The following AKT3 variants were observed in gnomAD, a reference collection of about 807,000 sequenced individuals.
The protein encoded by AKT3 is AKT serine/threonine kinase 3, also known as RAC-gamma serine/threonine-protein kinase.
A neutral mutation model predicts 65.3 loss-of-function variants in AKT3; 15 were observed. The ratio of observed to expected loss-of-function variants is 0.23; its 90% CI spans 0.15 to 0.35. The LOEUF (loss-of-function observed/expected upper bound fraction) is 0.35, where lower values mean the gene tolerates loss of function less well. AKT3 is among the 10% of genes least tolerant of loss of function. The pLI, the probability that AKT3 is intolerant of heterozygous loss-of-function variation, is 1.00. For missense variants in AKT3, 243 were observed against 576.5 expected (o/e 0.42, Z 5.92); for synonymous variants, 206 against 183.8 (o/e 1.12, Z -0.98).
At chr1:243,739,433 A>G (rs1688023600) in intron 2 of AKT3, 2 of 152,336 alleles carry the variant, frequency 1.3e-5, no homozygotes, top group African/African-American at 4.8e-5. Flanking sequence ...TACTAAAGTT[A>G]AAGGAAAACA....
intron 1 of AKT3, 24 bp downstream of exon 1, chr1:243,850,016 A>G: frequency 2.0e-6 from 2 of 977,756 alleles, no homozygotes; most frequent in Non-Finnish European, 2.4e-6. Flanking sequence ...GGAGGGGGCT[A>G]GAGTTGGGGG....
chr1:243,572,952 C>T lies in AKT3; in HGVS notation c.793G>A (p.Gly265Arg), dbSNP rs772090769. Residue 265 changes from glycine (G) to arginine (R), a missense_variant, in exon 9 of 14, where the codon GGA becomes AGA. This residue lies in a region of AKT3 where 61 missense variants were observed against 163.3 expected (regional missense o/e 0.37). Transcript: ENST00000673466. ...TTGAGATCACGGTACACAATCTTTC[C>T]GGAATGTAGATAGTCCAAGGCAGAG... ...IVSALDYLHS[G>R]KIVYRDLKLE... 8 of 1,610,866 alleles carry T rather than the reference C, an allele frequency of 5.0e-6. No individual in the cohort carries two copies. Among genetic ancestry groups the T allele is most frequent in the African/African-American group, 1.3e-5 (1 of 74,434 alleles).
intron 13 of AKT3, among the ~76,000 whole-genome samples, chr1:243,510,194 T>G (rs1669929874): frequency 6.6e-6 from 1 of 152,204 alleles, no homozygotes; most frequent in Non-Finnish European, 1.5e-5. Flanking sequence ...GCTTTGGATA[T>G]TCAGAGGGGA....
At chr1:243,760,744 T>C (rs983435250) in intron 2 of AKT3, among the ~76,000 whole-genome samples, 1 of 152,154 alleles carries the variant, frequency 6.6e-6, no homozygotes, top group Non-Finnish European at 1.5e-5. Context: ...CTGTTGGTGA[T>C]TTCAGTTTAA....
chr1:243,508,419 C>T (rs150005551), intron 13 of AKT3, among the ~76,000 whole-genome samples: 3 of 152,196 alleles, frequency 2.0e-5, no homozygotes, highest in South Asian at 2.1e-4. Context: ...CCTGCAGATG[C>T]GTCGATGCTA....
At chr1:243,676,487 T>TC (rs1683521444) in intron 3 of AKT3, among the ~76,000 whole-genome samples, 1 of 152,164 alleles carries the variant, frequency 6.6e-6, no homozygotes, top group African/African-American at 2.4e-5. Flanking sequence ...CAAACCTGCT[T>TC]CTTCAGTCAC....
At chr1:243,658,830 C>T (rs1438812692) in intron 4 of AKT3, among the ~76,000 whole-genome samples, 1 of 116,926 alleles carries the variant, frequency 8.6e-6, no homozygotes, top group Non-Finnish European at 1.7e-5. Context: ...GAGTTCCAGA[C>T]AAGCCCTGGC....
chr1:243,804,095 G>A (rs1467387684), intron 2 of AKT3, among the ~76,000 whole-genome samples: 1 of 152,198 alleles, frequency 6.6e-6, no homozygotes, highest in Non-Finnish European at 1.5e-5. Context: ...CCTGAGATCA[G>A]TCCATCTTGG....
At position 243,843,179 on chromosome 1, in the gene AKT3, C is replaced by T. The variant is rs1465800880; in HGVS notation, c.-9G>A. The T allele has an allele frequency of 6.2e-7, 1 of 1,611,886 alleles. No homozygotes were observed. Among genetic ancestry groups the T allele is most frequent in the Admixed American group, 1.7e-5 (1 of 59,782 alleles). On this transcript the variant is annotated 5_prime_UTR_variant, in exon 2 of 14. Transcript: ENST00000673466. The stretch of plus-strand genomic sequence containing the variant: ...ATGGTAACATCGCTCATGATGACTC[C>T]CCTCTGAGCCCCCAACTTGGAGAAA...
intron 11 of AKT3, 119 bp downstream of exon 11, chr1:243,552,609 TG>T: frequency 1.1e-6 from 1 of 884,434 alleles, no homozygotes; most frequent in Non-Finnish European, 1.8e-6. Flanking sequence ...AGGATCTCAG[TG>T]GGAAGATGTC....
chr1:243,822,751 T>C (rs1016939343), intron 2 of AKT3, among the ~76,000 whole-genome samples: 60 of 152,220 alleles, frequency 3.9e-4, no homozygotes, highest in East Asian at 1.7e-3. Flanking sequence ...AATCCAGGAA[T>C]AGACCAATAC....
chr1:243,826,027 GA>G (rs1209809127), intron 2 of AKT3, among the ~76,000 whole-genome samples: 3 of 152,166 alleles, frequency 2.0e-5, no homozygotes, highest in Middle Eastern at 6.8e-3. Flanking sequence ...AGCTACTTGG[GA>G]GGCTGAGGCA....
chr1:243,795,189 AGAT>A (rs1691878534), intron 2 of AKT3, among the ~76,000 whole-genome samples: 1 of 149,580 alleles, frequency 6.7e-6, no homozygotes, highest in East Asian at 2.0e-4. Flanking sequence ...CAATGGTGTT[AGAT>A]TGTTTGCTCA....
downstream of AKT3, among the ~76,000 whole-genome samples, chr1:243,498,551 C>T (rs1668639595): frequency 6.6e-6 from 1 of 152,250 alleles, no homozygotes; most frequent in Non-Finnish European, 1.5e-5. Flanking sequence ...CCCCACTACT[C>T]ACAGACCTGT....
At chr1:243,816,667 G>A (rs143207520) in intron 2 of AKT3, among the ~76,000 whole-genome samples, 10 of 152,094 alleles carry the variant, frequency 6.6e-5, no homozygotes, top group Admixed American at 5.2e-4. Context: ...AAAATCCACC[G>A]TAGAAAGAAA....
intron 3 of AKT3, among the ~76,000 whole-genome samples, chr1:243,679,904 A>G (rs1209639577): frequency 1.3e-5 from 2 of 152,216 alleles, no homozygotes; most frequent in Admixed American, 1.3e-4. Flanking sequence ...CTGTTTAACA[A>G]AAATATTTTA....
At chr1:243,616,532 G>A (rs575639881) in intron 6 of AKT3, among the ~76,000 whole-genome samples, 6 of 152,186 alleles carry the variant, frequency 3.9e-5, no homozygotes, top group South Asian at 2.1e-4. Flanking sequence ...AAGAAGAAAC[G>A]AAAGGAAGAC....
chr1:243,720,766 G>C (rs867446173), intron 2 of AKT3, among the ~76,000 whole-genome samples: 6 of 152,140 alleles, frequency 3.9e-5, no homozygotes, highest in Admixed American at 6.5e-5. Flanking sequence ...ATAATCTCTT[G>C]TCCTTTTCCT....
At chr1:243,772,100 G>A (rs1386765974) in intron 2 of AKT3, among the ~76,000 whole-genome samples, 1 of 152,010 alleles carries the variant, frequency 6.6e-6, no homozygotes, top group Non-Finnish European at 1.5e-5. Flanking sequence ...AAGAAAACCT[G>A]GGCAATACCA....
Sources: gnomAD v4.1 joint callset for allele counts (sites outside exome capture counted in the v4.1 genomes callset) on GRCh38, gnomAD v4.1.1 for gene constraint, gnomAD v4.1.1 regional missense constraint, MANE v1.5 for transcripts, NCBI Gene and HGNC (gene_info 2026-07-23, HGNC 2026-07-21) for gene names.